Variants in AGAP1 observed in about 807,000 individuals in gnomAD.
The protein encoded by AGAP1 is ArfGAP with GTPase domain, ankyrin repeat and PH domain 1.
Under a neutral mutation model 105.3 loss-of-function variants are expected in AGAP1, and 29 were observed. The ratio of observed to expected loss-of-function variants is 0.28; its 90% CI spans 0.21 to 0.38. The LOEUF (loss-of-function observed/expected upper bound fraction) is 0.38. AGAP1 is among the 10% of genes least tolerant of loss of function. The pLI is 1.00. For synonymous variants in AGAP1, 509 were observed against 485.9 expected (o/e 1.05, Z -0.63); for missense variants, 998 against 1,165.1 (o/e 0.86, Z 2.09).
intron 3 of AGAP1, among the ~76,000 whole-genome samples, chr2:235,735,691 T>G (rs940878647): frequency 1.3e-5 from 2 of 152,176 alleles, no homozygotes; most frequent in African/African-American, 4.8e-5. Context: ...ACCTTCCATA[T>G]ACTTTTCTCT....
intron 9 of AGAP1, among the ~76,000 whole-genome samples, chr2:235,868,156 A>G (rs1349496160): frequency 2.9e-5 from 4 of 139,116 alleles, no homozygotes; most frequent in East Asian, 1.9e-4. Context: ...GCTATTAACA[A>G]TATTCACTGT....
chr2:236,117,911 G>T (rs546568538), intron 16 of AGAP1, among the ~76,000 whole-genome samples: 1 of 152,060 alleles, frequency 6.6e-6, no homozygotes, highest in Non-Finnish European at 1.5e-5. Flanking sequence ...GGCTGCCTCC[G>T]CTGCATTTGT....
At chr2:235,814,479 T>C (rs189773443) in intron 9 of AGAP1, among the ~76,000 whole-genome samples, 1 of 152,220 alleles carries the variant, frequency 6.6e-6, no homozygotes, top group Admixed American at 6.5e-5. Flanking sequence ...TTATTTCTTA[T>C]CAGATTTGAT....
intron 1 of AGAP1, among the ~76,000 whole-genome samples, chr2:235,583,131 G>T (rs1027945235): frequency 6.6e-6 from 1 of 152,186 alleles, no homozygotes; most frequent in Non-Finnish European, 1.5e-5. Context: ...AGTGGGCCAG[G>T]GTCAGGTGTG....
chr2:235,524,108 G>C (rs1942735952), intron 1 of AGAP1, among the ~76,000 whole-genome samples: 2 of 152,322 alleles, frequency 1.3e-5, no homozygotes, highest in East Asian at 3.9e-4. Context: ...TGTCACTGTA[G>C]ACGCTCCATC....
At chr2:235,624,750 G>T (rs780241467) in intron 1 of AGAP1, among the ~76,000 whole-genome samples, 1 of 152,160 alleles carries the variant, frequency 6.6e-6, no homozygotes, top group African/African-American at 2.4e-5. Flanking sequence ...GTGATTCCCA[G>T]TGTTGGAAGT....
rs1294256451 is a variant in AGAP1 at position 236,012,753 on chromosome 2, G to C, written c.1646-23808G>C. Among the ~76,000 whole-genome samples, 2 of 141,198 alleles carry C rather than the reference G, an allele frequency of 1.4e-5. No individual in the cohort carries two copies. The highest frequency in any genetic ancestry group is 1.4e-4 in the Admixed American group (2 of 14,382). 92.6% of individuals were successfully genotyped at this position (141,198 alleles called of 152,430 possible). A position where few individuals can be genotyped will look rare whatever the true frequency, so the allele number is the denominator to read the frequency against. On this transcript the variant is annotated intron_variant, in intron 13 of 17. Transcript: ENST00000304032. The surrounding 1 kb of genome is among the most constrained non-coding windows in gnomAD (Gnocchi z 4.9). ...GCAGATGCCTGCTAGTTTAGAGGTT[G>C]TTTCTTACTAAATTATTATTATTAT...
chr2:235,798,972 C>T (rs1259991449), intron 7 of AGAP1, among the ~76,000 whole-genome samples: 2 of 151,524 alleles, frequency 1.3e-5, no homozygotes, highest in South Asian at 4.2e-4. Context: ...TTCCAGGTGT[C>T]ATTTTCATAA....
chr2:235,784,613 A>AC (rs1373900036), intron 6 of AGAP1, among the ~76,000 whole-genome samples: 1 of 151,810 alleles, frequency 6.6e-6, no homozygotes, highest in Non-Finnish European at 1.5e-5. Context: ...AAAAAAAAAA[A>AC]AAACCATGAA....
chr2:235,884,901 C>T (rs1386403917), intron 10 of AGAP1, among the ~76,000 whole-genome samples: 1 of 151,970 alleles, frequency 6.6e-6, no homozygotes, highest in Non-Finnish European at 1.5e-5. Flanking sequence ...TTGGTAGAGA[C>T]TGGGTCTCCC....
intron 1 of AGAP1, among the ~76,000 whole-genome samples, chr2:235,580,093 T>A (rs1944878960): frequency 6.6e-6 from 1 of 152,224 alleles, no homozygotes; most frequent in Non-Finnish European, 1.5e-5. Flanking sequence ...CATTTCTTTC[T>A]ACAGCTGAAT....
At position 235,867,572 on chromosome 2, in the gene AGAP1, T is replaced by TGTGTGTGTGC. The variant is rs375110513; in HGVS notation, c.1051-15770_1051-15769insTGTGTGCGTG. Among the ~76,000 whole-genome samples, 13,943 of 148,052 alleles carry TGTGTGTGTGC rather than the reference T, an allele frequency of 0.094. 1,009 individuals are homozygous for TGTGTGTGTGC. Among genetic ancestry groups the TGTGTGTGTGC allele is most frequent in the East Asian group, 0.24 (1,191 of 4,932 alleles). On this transcript the variant is annotated intron_variant, in intron 9 of 17. Transcript: ENST00000304032. The surrounding 1 kb of genome is among the most constrained non-coding windows in gnomAD (Gnocchi z 5.4). ...GTGTGTGTGTGTGTGTGTGTGTGTG[T>TGTGTGTGTGC]GTGCAAGTGAGGGAGGGTGACCCCC...
In AGAP1 at chr2:235,750,132, G is replaced by A. The variant is rs530943218; in HGVS notation, c.539-222G>A. 1.3e-5 allele frequency among the ~76,000 whole-genome samples: 2 copies of A among 152,174 alleles called. No homozygotes were observed. Among genetic ancestry groups the A allele is most frequent in the Admixed American group, 6.5e-5 (1 of 15,276 alleles). ...TCTTTCTGAACATTTTAAAATTGCA[G>A]TTTCAGAAGCGCTCCTGTAAAACAA... On this transcript the variant is annotated intron_variant, in intron 5 of 17. Coordinates refer to ENST00000304032, the MANE Select transcript of AGAP1 (RefSeq NM_001037131.3). The surrounding 1 kb of genome is among the most constrained non-coding windows in gnomAD (Gnocchi z 5.3).
intron 6 of AGAP1, among the ~76,000 whole-genome samples, chr2:235,791,506 C>T (rs567704869): frequency 1.1e-4 from 17 of 152,082 alleles, no homozygotes; most frequent in Admixed American, 9.8e-4. Context: ...TCCTGACGCA[C>T]AGAATCGTGA....
At position 235,552,737 on chromosome 2, in the gene AGAP1, G is replaced by T. The variant is rs953176597; in HGVS notation, c.163+57888G>T. On this transcript the variant is annotated intron_variant, in intron 1 of 17. Coordinates refer to ENST00000304032, the MANE Select transcript of AGAP1 (RefSeq NM_001037131.3). The surrounding 1 kb of genome is among the most constrained non-coding windows in gnomAD (Gnocchi z 5.9). ...CCAGGAGAGTTCAGAGAGGTGAAGA[G>T]TGAGGAGAGAGCAGTGGCCAAAGTG... Among the ~76,000 whole-genome samples the T allele has an allele frequency of 6.6e-6, 1 of 152,206 alleles. No homozygotes were observed. The highest frequency in any genetic ancestry group is 2.4e-5 in the African/African-American group (1 of 41,456).
chr2:235,826,408 C>T lies in AGAP1; in HGVS notation c.1050+19077C>T, dbSNP rs1018724909. Among the ~76,000 whole-genome samples the T allele has an allele frequency of 9.2e-5, 14 of 152,252 alleles. No individual in the cohort carries two copies. The South Asian group carries it at 1.0e-3, about 11-fold the overall frequency. On this transcript the variant is annotated intron_variant, in intron 9 of 17. Transcript: ENST00000304032. The stretch of plus-strand genomic sequence containing the variant: ...GGTTCATTCTTTCTACTTTCGTCTC[C>T]GTTGCTCCGTTTCACATATCTTTTT...
intron 1 of AGAP1, among the ~76,000 whole-genome samples, chr2:235,538,103 A>G (rs1054507080): frequency 2.6e-5 from 4 of 152,226 alleles, no homozygotes; most frequent in African/African-American, 7.2e-5. Context: ...GGATAAATTC[A>G]GAGAACCACT....
chr2:235,968,691 C>T lies in AGAP1; in HGVS notation c.1645+68C>T, dbSNP rs1240016941. 1.1e-5 allele frequency: 16 copies of T among 1,508,762 alleles called. No homozygotes were observed. In the East Asian group the frequency reaches 3.2e-4, roughly 30 times the overall value. The allele number at this position is 1,508,762 out of a possible 1,614,324, so 93.5% of individuals were successfully genotyped here. Reference sequence around the variant, plus strand: ...AAAATTCTCTGTTATTTTTCAAATGCGTGAAATTAGACACCCTTAGCACAA... The same window carrying T: ...AAAATTCTCTGTTATTTTTCAAATGTGTGAAATTAGACACCCTTAGCACAA... On this transcript the variant is annotated intron_variant, in intron 13 of 17. Coordinates refer to ENST00000304032, the MANE Select transcript of AGAP1 (RefSeq NM_001037131.3).
In AGAP1 at chr2:235,777,223, G is replaced by C. The variant is rs566645594; in HGVS notation, c.674-20536G>C. 3.9e-5 allele frequency among the ~76,000 whole-genome samples: 6 copies of C among 152,204 alleles called. No individual in the cohort carries two copies. The highest frequency in any genetic ancestry group is 1.4e-4 in the African/African-American group (6 of 41,452). On this transcript the variant is annotated intron_variant, in intron 6 of 17. Transcript: ENST00000304032. This position sits in a 1 kb window ranked among gnomAD's most constrained non-coding sequence, Gnocchi z 5.1. ...AATACAAAAAATTAGCCAGGCGTGC[G>C]CCTGTAATCCCAGCTACTCGGGAGT...
Sources: gnomAD v4.1 joint callset for allele counts (sites outside exome capture counted in the v4.1 genomes callset) on GRCh38, gnomAD v4.1.1 for gene constraint, Gnocchi (gnomAD v3.1) non-coding constraint, MANE v1.5 for transcripts, NCBI Gene and HGNC (gene_info 2026-07-23, HGNC 2026-07-21) for gene names.